STAU1: variants seen among roughly 807,000 people sequenced by gnomAD.
STAU1 encodes staufen double-stranded RNA binding protein 1, also known as double-stranded RNA-binding protein Staufen homolog 1.
A neutral mutation model predicts 62.9 loss-of-function variants in STAU1; 13 were observed. The observed-to-expected ratio is 0.21, with a 90% CI of 0.13 to 0.33. The LOEUF is 0.33. Ranked by LOEUF, STAU1 falls within the 10% of genes least tolerant of loss-of-function variation. The pLI, the probability that STAU1 is intolerant of heterozygous loss-of-function variation, is 1.00. For missense variants in STAU1, 571 were observed against 712.1 expected (o/e 0.80, Z 2.25); for synonymous variants, 269 against 265.1 (o/e 1.01, Z -0.14).
intron 2 of STAU1, among the ~76,000 whole-genome samples, chr20:49,172,818 A>G (rs917629716): frequency 6.6e-6 from 1 of 152,068 alleles, no homozygotes; most frequent in African/African-American, 2.4e-5. Flanking sequence ...GATATTTGAC[A>G]AAGCCTCACT....
chr20:49,180,531 C>T lies in STAU1; in HGVS notation c.-159-6262G>A, dbSNP rs924767056. On this transcript the variant is annotated intron_variant, in intron 1 of 13. Transcript: ENST00000371856. Reference sequence around the variant, plus strand: ...TAGAGATGGGGTTTCACCATGTTGGCCAGGCTGGTCTCGAACTCCTGACCT... The same window carrying T: ...TAGAGATGGGGTTTCACCATGTTGGTCAGGCTGGTCTCGAACTCCTGACCT... Among the ~76,000 whole-genome samples the T allele has an allele frequency of 3.9e-5, 6 of 152,288 alleles. No homozygotes were observed. The East Asian group carries it at 5.8e-4, about 15-fold the overall frequency.
chr20:49,147,230 C>T (rs1431649606), intron 5 of STAU1, among the ~76,000 whole-genome samples: 1 of 152,188 alleles, frequency 6.6e-6, no homozygotes, highest in Non-Finnish European at 1.5e-5. Flanking sequence ...ACTAAATGCA[C>T]TTTTTGCTGA....
chr20:49,123,525 T>C (rs1369523566), intron 7 of STAU1, among the ~76,000 whole-genome samples: 1 of 152,056 alleles, frequency 6.6e-6, no homozygotes, highest in Non-Finnish European at 1.5e-5. Flanking sequence ...TGACAGTAAA[T>C]GGGCAGAAAA....
At chr20:49,211,498 C>T in the STAU1 span, among the ~76,000 whole-genome samples, 81 of 151,884 alleles carry the variant, frequency 5.3e-4, no homozygotes, top group African/African-American at 2.0e-3. Context: ...CCTCCTGCCT[C>T]AGCCTCCTTT....
intron 5 of STAU1, among the ~76,000 whole-genome samples, chr20:49,141,783 T>C (rs2093013106): frequency 6.6e-6 from 1 of 151,914 alleles, no homozygotes; most frequent in African/African-American, 2.4e-5. Context: ...AAAGAGGCAA[T>C]GAAGGCCATC....
Position 49,114,208 on chromosome 20 carries a change from CTG to C in STAU1, c.*668_*669del, listed in dbSNP as rs1391276978. On this transcript the variant is annotated 3_prime_UTR_variant, in exon 14 of 14. Transcript: ENST00000371856. ...AGTCAGTCTCAGACAAGTTTCCAAACTGTGCTATTTAACTAGATACAATTGAG... is the reference window on the plus strand; with the variant it reads ...AGTCAGTCTCAGACAAGTTTCCAAACTGCTATTTAACTAGATACAATTGAG... 2 of 152,536 alleles carry C rather than the reference CTG, an allele frequency of 1.3e-5. No individual in the cohort carries two copies. Among genetic ancestry groups the C allele is most frequent in the African/African-American group, 2.4e-5 (1 of 41,446 alleles). 9.4% of individuals were successfully genotyped at this position (152,536 alleles called of 1,614,324 possible). A position where few individuals can be genotyped will look rare whatever the true frequency, so the allele number is the denominator to read the frequency against.
At chr20:49,197,399 T>C in the STAU1 span, among the ~76,000 whole-genome samples, 3 of 128,854 alleles carry the variant, frequency 2.3e-5, no homozygotes, top group African/African-American at 9.7e-5. Flanking sequence ...TCTTTTCTTT[T>C]TCTTTTCTTT....
intron 2 of STAU1, among the ~76,000 whole-genome samples, chr20:49,169,784 G>C (rs996161282): frequency 1.2e-4 from 18 of 152,226 alleles, no homozygotes; most frequent in African/African-American, 4.1e-4. Context: ...TTCCCTATTT[G>C]AAGGGCTTTA....
chr20:49,206,750 TA>T, the STAU1 span, among the ~76,000 whole-genome samples: 721 of 114,452 alleles, frequency 6.3e-3, 9 homozygotes, highest in Middle Eastern at 0.03. Context: ...TATATATATA[TA>T]TTTTATTTTA....
At chr20:49,132,393 G>A (rs1230837121) in intron 6 of STAU1, among the ~76,000 whole-genome samples, 1 of 152,180 alleles carries the variant, frequency 6.6e-6, no homozygotes, top group Non-Finnish European at 1.5e-5. Context: ...GTGTGAGCAT[G>A]TCACAATTGT....
In STAU1 at chr20:49,154,015, G is replaced by C; in HGVS notation, c.262C>G (p.Pro88Ala). The C allele has an allele frequency of 6.2e-7, 1 of 1,613,454 alleles. No individual in the cohort carries two copies. Among genetic ancestry groups the C allele is most frequent in the Admixed American group, 1.7e-5 (1 of 59,876 alleles). The change falls in exon 4 of 14, where the codon CCA becomes GCA. Residue 88 changes from proline to alanine, a missense_variant. Pro to Ala is a conservative substitution (Grantham distance 27, BLOSUM62 -1). This residue lies in a region of STAU1 where 414 missense variants were observed against 499.6 expected (regional missense o/e 0.83). Transcript: ENST00000371856. The part of the protein sequence containing the change: ...NALCMKLGKK[P>A]MYKPVDPYSR... Reference sequence around the variant, plus strand: ...TAAGGGTCAACAGGCTTATACATTGGTTTTTTTCCAAGTTTCATGCACAGT... The same window carrying C: ...TAAGGGTCAACAGGCTTATACATTGCTTTTTTTCCAAGTTTCATGCACAGT...
chr20:49,184,558 T>C (rs1043059654), intron 1 of STAU1, among the ~76,000 whole-genome samples: 1 of 152,112 alleles, frequency 6.6e-6, no homozygotes, highest in Non-Finnish European at 1.5e-5. Flanking sequence ...AACATTATCT[T>C]GAAACAACAT....
At chr20:49,201,741 C>CA in the STAU1 span, among the ~76,000 whole-genome samples, 704 of 75,102 alleles carry the variant, frequency 9.4e-3, 11 homozygotes, top group African/African-American at 0.012. Context: ...GACTCTGTCT[C>CA]AAAAAAAAAA....
upstream of STAU1, among the ~76,000 whole-genome samples, chr20:49,189,555 G>A (rs3795075): frequency 0.2 from 30,449 of 148,784 alleles, 3,214 homozygotes; most frequent in Non-Finnish European, 0.23. Context: ...GGGAGACGGA[G>A]GTTGCAGTGA....
intron 1 of STAU1, among the ~76,000 whole-genome samples, chr20:49,181,248 T>C (rs891191468): frequency 6.6e-6 from 1 of 152,234 alleles, no homozygotes; most frequent in Non-Finnish European, 1.5e-5. Context: ...ATTCCTTTTC[T>C]GCATAAAATA....
intron 5 of STAU1, among the ~76,000 whole-genome samples, chr20:49,147,171 A>C (rs1487930631): frequency 6.6e-6 from 1 of 152,140 alleles, no homozygotes; most frequent in Non-Finnish European, 1.5e-5. Context: ...TTCCAACCTA[A>C]ATGAGATACT....
At chr20:49,116,835 GA>G (rs1469111555) in intron 12 of STAU1, among the ~76,000 whole-genome samples, 1 of 152,152 alleles carries the variant, frequency 6.6e-6, no homozygotes, top group Non-Finnish European at 1.5e-5. Flanking sequence ...GAGATGAAGT[GA>G]GTGCAGTCTC....
chr20:49,166,046 T>G lies in STAU1; in HGVS notation c.156A>C (p.Gln52His). 2 of 1,614,226 alleles carry G rather than the reference T, an allele frequency of 1.2e-6. No homozygotes were observed. Among genetic ancestry groups the G allele is most frequent in the Non-Finnish European group, 1.7e-6 (2 of 1,180,042 alleles). Residue 52 changes from glutamine (Q) to histidine (H), a missense_variant, in exon 3 of 14, where the codon CAA (glutamine) becomes CAC (histidine). Coordinates refer to ENST00000371856, the MANE Select transcript of STAU1 (RefSeq NM_017453.4). ...LPSENAGRPI[Q>H]NSALPSASIT... ...TAGATGCAGAGGGTAAAGCAGAGTT[T>G]TGAATGGGTCTACCTGCATTTTCAG... is the stretch of plus-strand genomic sequence containing the variant.
At chr20:49,125,340 C>T (rs1258228496) in intron 6 of STAU1, among the ~76,000 whole-genome samples, 2 of 150,566 alleles carry the variant, frequency 1.3e-5, no homozygotes, top group African/African-American at 4.9e-5. Context: ...ACCAGCCTGG[C>T]CAACATGGTG....
Sources: allele counts gnomAD v4.1 joint callset (sites outside exome capture counted in the v4.1 genomes callset), GRCh38; gene constraint gnomAD v4.1.1; regional missense constraint gnomAD v4.1.1; transcripts MANE v1.5; gene names NCBI Gene and HGNC (gene_info 2026-07-23, HGNC 2026-07-21).